Variants in RASGEF1C observed in about 807,000 individuals in gnomAD.
The protein encoded by RASGEF1C is ras-GEF domain-containing family member 1C.
In RASGEF1C, 27 loss-of-function variants were observed where a neutral mutation model predicts 58.1. The observed-to-expected ratio is 0.46, with a 90% confidence interval of 0.34 to 0.64. The LOEUF (loss-of-function observed/expected upper bound fraction) is 0.64, where lower values mean the gene tolerates loss of function less well. Ranked by LOEUF, RASGEF1C falls within the 30% of genes least tolerant of loss-of-function variation. The pLI, the probability that RASGEF1C is intolerant of heterozygous loss-of-function variation, is 0.01. For synonymous variants in RASGEF1C, 243 were observed against 246.3 expected, an observed-to-expected ratio of 0.99 and a Z score of 0.13; for missense variants, 502 against 605.1, an observed-to-expected ratio of 0.83 and a Z score of 1.79.
intron 1 of RASGEF1C, among the ~76,000 whole-genome samples, chr5:180,148,614 T>A (rs1399974601): frequency 6.6e-6 from 1 of 152,226 alleles, no homozygotes; most frequent in African/African-American, 2.4e-5. Flanking sequence ...ACTCTGCTCC[T>A]ATACAGTTCT....
At chr5:180,121,654 CACACACACACACACACACACACACA>C (rs1224222572) in intron 6 of RASGEF1C, among the ~76,000 whole-genome samples, 1 of 85,500 alleles carries the variant, frequency 1.2e-5, no homozygotes, top group Admixed American at 1.3e-4. Flanking sequence ...CACACACACA[CACACACACACACACACACACACACA>C]CACCCTCATT....
chr5:180,125,906 G>A (rs1385984850), intron 6 of RASGEF1C, among the ~76,000 whole-genome samples: 1 of 152,142 alleles, frequency 6.6e-6, no homozygotes, highest in Non-Finnish European at 1.5e-5. Context: ...TGAGCCTTTT[G>A]AGAACGGACA....
chr5:180,143,284 C>T lies in RASGEF1C; in HGVS notation c.-6-5226G>A, dbSNP rs1455347789. On this transcript the variant is annotated intron_variant, in intron 1 of 13. Transcript: ENST00000361132. This position sits in a 1 kb window ranked among gnomAD's most constrained non-coding sequence, Gnocchi z 4.3. ...GCTCAGGGCCCACCCTGCTCCAGGC[C>T]GCTGGCGCTGGCAAAGTTTCTGGGA... 1.3e-5 allele frequency among the ~76,000 whole-genome samples: 2 copies of T among 152,212 alleles called. No individual in the cohort carries two copies. Among genetic ancestry groups the T allele is most frequent in the Admixed American group, 1.3e-4 (2 of 15,282 alleles).
chr5:180,189,906 A>G (rs1032448725), intron 1 of RASGEF1C, among the ~76,000 whole-genome samples: 2 of 133,994 alleles, frequency 1.5e-5, no homozygotes, highest in Admixed American at 1.6e-4. Context: ...CTGGGCAACA[A>G]GAGCAAAACT....
rs780009147 is a variant in RASGEF1C at position 180,118,684 on chromosome 5, C to T, written c.1008G>A (p.Gly336=). 1.5e-5 allele frequency: 24 copies of T among 1,614,164 alleles called. No homozygotes were observed. Among genetic ancestry groups the T allele is most frequent in the Non-Finnish European group, 1.9e-5 (22 of 1,180,012 alleles). The change falls in exon 10 of 14, where the codon GGG becomes GGA. Residue 336 remains glycine, a synonymous_variant. Coordinates refer to ENST00000361132, the MANE Select transcript of RASGEF1C (RefSeq NM_175062.4). ...FILEHQMDPT[G]NFCNYRTALR... ...GGGCTGTCCTGTAGTTGCAGAAATTCCCCGTTGGGTCCATCTGGTGCTGGA... is the reference window on the plus strand; with the variant it reads ...GGGCTGTCCTGTAGTTGCAGAAATTTCCCGTTGGGTCCATCTGGTGCTGGA...
chr5:180,196,235 C>T (rs944701363), intron 1 of RASGEF1C, among the ~76,000 whole-genome samples: 14 of 151,618 alleles, frequency 9.2e-5, no homozygotes, highest in Non-Finnish European at 2.1e-4. Flanking sequence ...CTCAGTGGCT[C>T]ACACCTGTAA....
intron 1 of RASGEF1C, among the ~76,000 whole-genome samples, chr5:180,192,750 GTT>G (rs59956150): frequency 0.6 from 88,230 of 147,046 alleles, 27,637 homozygotes; most frequent in East Asian, 0.87. Context: ...TTTGTTTTTT[GTT>G]TTTTTTTTTT....
At chr5:180,188,419 C>A (rs1223949658) in intron 1 of RASGEF1C, among the ~76,000 whole-genome samples, 1 of 152,154 alleles carries the variant, frequency 6.6e-6, no homozygotes, top group Non-Finnish European at 1.5e-5. Context: ...GTTACAGAAC[C>A]TTTGCAATTT....
chr5:180,175,977 G>A (rs749187169), intron 1 of RASGEF1C, among the ~76,000 whole-genome samples: 1 of 152,210 alleles, frequency 6.6e-6, no homozygotes, highest in Non-Finnish European at 1.5e-5. Context: ...GACAGAGCGG[G>A]ACTCCGTCTC....
chr5:180,147,305 C>A (rs1052010034), intron 1 of RASGEF1C, among the ~76,000 whole-genome samples: 2 of 150,094 alleles, frequency 1.3e-5, no homozygotes, highest in Non-Finnish European at 3.0e-5. Context: ...TTTTATTTAT[C>A]TCTTCTCTAA....
At chr5:180,103,723 G>C (rs1366167441) in intron 12 of RASGEF1C, among the ~76,000 whole-genome samples, 1 of 152,208 alleles carries the variant, frequency 6.6e-6, no homozygotes, top group African/African-American at 2.4e-5. Flanking sequence ...ATGACTAAGA[G>C]TGGGGAAGAG....
intron 1 of RASGEF1C, among the ~76,000 whole-genome samples, chr5:180,148,159 G>A (rs1023059648): frequency 2.6e-5 from 4 of 152,072 alleles, no homozygotes; most frequent in Non-Finnish European, 5.9e-5. Context: ...TAGTATGGCT[G>A]CTCCCACTCT....
At position 180,137,710 on chromosome 5, in the gene RASGEF1C, T is replaced by C. The variant is rs748030689; in HGVS notation, c.180A>G (p.Lys60=). The change falls in exon 3 of 14, where the codon AAA becomes AAG. Residue 60 remains lysine, a splice_region_variant and synonymous_variant. Coordinates refer to ENST00000361132, the MANE Select transcript of RASGEF1C (RefSeq NM_175062.4). The surrounding 1 kb of genome is among the most constrained non-coding windows in gnomAD (Gnocchi z 4.1). ...TCAGCAGGAAGGTGAAGATGTAGGCTTTCTGGGGGACACACGAGAAAGAGG... is the reference window on the plus strand; with the variant it reads ...TCAGCAGGAAGGTGAAGATGTAGGCCTTCTGGGGGACACACGAGAAAGAGG... ...LVPTADYYPE[K]AYIFTFLLSS... 1.9e-6 allele frequency: 3 copies of C among 1,612,870 alleles called. No homozygotes were observed. The East Asian group carries it at 6.7e-5, about 36-fold the overall frequency.
intron 1 of RASGEF1C, among the ~76,000 whole-genome samples, chr5:180,169,885 C>T (rs1372704985): frequency 6.6e-6 from 1 of 151,394 alleles, no homozygotes; most frequent in African/African-American, 2.4e-5. Flanking sequence ...CCTGGGGCTG[C>T]GTGTTTGCTG....
intron 10 of RASGEF1C, among the ~76,000 whole-genome samples, chr5:180,117,724 T>C (rs1017263268): frequency 6.6e-6 from 1 of 152,156 alleles, no homozygotes; most frequent in Admixed American, 6.5e-5. Context: ...CTGGGCGCAG[T>C]GGCTCACGCA....
intron 1 of RASGEF1C, among the ~76,000 whole-genome samples, chr5:180,191,670 A>T (rs1756166490): frequency 6.6e-6 from 1 of 152,182 alleles, no homozygotes; most frequent in Non-Finnish European, 1.5e-5. Flanking sequence ...TGGCTTATTT[A>T]TAAGAGTCTC....
At chr5:180,166,899 C>CT (rs2113306122) in intron 1 of RASGEF1C, among the ~76,000 whole-genome samples, 1 of 152,312 alleles carries the variant, frequency 6.6e-6, no homozygotes, top group South Asian at 2.1e-4. Context: ...CTTCTGGCCT[C>CT]TATGGCTTCT....
At chr5:180,192,261 A>G (rs1350122066) in intron 1 of RASGEF1C, among the ~76,000 whole-genome samples, 2 of 152,250 alleles carry the variant, frequency 1.3e-5, no homozygotes, top group African/African-American at 4.8e-5. Context: ...TGGAACCCAT[A>G]CAATGGAAAC....
At position 180,197,027 on chromosome 5, in the gene RASGEF1C, G is replaced by C. The variant is rs548166338; in HGVS notation, c.-7+12001C>G. On this transcript the variant is annotated intron_variant, in intron 1 of 13. Coordinates refer to ENST00000361132, the MANE Select transcript of RASGEF1C (RefSeq NM_175062.4). This position sits in a 1 kb window ranked among gnomAD's most constrained non-coding sequence, Gnocchi z 4.7. The stretch of plus-strand genomic sequence containing the variant: ...GAGCTGGGTGTGCTGCCCGAGGCTG[G>C]CGTCGGTGAGGCTCCCCTCAGACCT... Among the ~76,000 whole-genome samples, 1 of 152,332 alleles carries C rather than the reference G, an allele frequency of 6.6e-6. No individual in the cohort carries two copies. The highest frequency in any genetic ancestry group is 2.4e-5 in the African/African-American group (1 of 41,570).
Sources: allele counts gnomAD v4.1 joint callset (sites outside exome capture counted in the v4.1 genomes callset), GRCh38; gene constraint gnomAD v4.1.1; non-coding constraint Gnocchi (gnomAD v3.1); transcripts MANE v1.5; gene names NCBI Gene and HGNC (gene_info 2026-07-23, HGNC 2026-07-21).